Variants in LDB2 observed in about 807,000 individuals in gnomAD.
LDB2 encodes LIM domain binding 2, also known as LIM domain-binding protein 2.
Under a neutral mutation model 44.3 loss-of-function variants are expected in LDB2, and 12 were observed. That is an observed-to-expected ratio of 0.27 (90% confidence interval 0.17 to 0.44). The LOEUF (loss-of-function observed/expected upper bound fraction) is 0.44. LDB2 is among the 20% of genes least tolerant of loss of function. LDB2 has a pLI of 1.00. For synonymous variants in LDB2, 164 were observed against 174.8 expected (o/e 0.94, Z 0.49); for missense variants, 344 against 473.5 (o/e 0.73, Z 2.54).
intron 1 of LDB2, among the ~76,000 whole-genome samples, chr4:16,813,199 T>C (rs903128948): frequency 2.6e-5 from 4 of 152,160 alleles, no homozygotes; most frequent in Non-Finnish European, 5.9e-5. Context: ...TTGGTCAGTC[T>C]GGTCTAGAAC....
chr4:16,515,932 T>C (rs1052748404), intron 5 of LDB2, among the ~76,000 whole-genome samples: 2 of 152,118 alleles, frequency 1.3e-5, no homozygotes, highest in African/African-American at 4.8e-5. Flanking sequence ...GGTGTGATCT[T>C]GGCTCACCGC....
intron 1 of LDB2, among the ~76,000 whole-genome samples, chr4:16,784,912 G>C (rs73799270): frequency 6.6e-6 from 1 of 151,830 alleles, no homozygotes; most frequent in Non-Finnish European, 1.5e-5. Flanking sequence ...GTAGACTGTC[G>C]ACACCCCTTT....
intron 1 of LDB2, among the ~76,000 whole-genome samples, chr4:16,800,157 A>G (rs1041395836): frequency 6.6e-6 from 1 of 152,220 alleles, no homozygotes; most frequent in Non-Finnish European, 1.5e-5. Context: ...CAGGAAAAAA[A>G]AAAATGTGAA....
intron 2 of LDB2, among the ~76,000 whole-genome samples, chr4:16,713,703 C>T (rs972173311): frequency 2.6e-5 from 4 of 152,098 alleles, no homozygotes; most frequent in African/African-American, 4.8e-5. Context: ...ACAGTAGAAG[C>T]CATTTCTAGA....
intron 2 of LDB2, among the ~76,000 whole-genome samples, chr4:16,597,097 A>G (rs913538050): frequency 1.3e-5 from 2 of 152,240 alleles, no homozygotes; most frequent in East Asian, 3.8e-4. Context: ...ATTTCATTTT[A>G]AAAGAATCAG....
chr4:16,734,339 C>T (rs190818109), intron 2 of LDB2, among the ~76,000 whole-genome samples: 4 of 152,168 alleles, frequency 2.6e-5, no homozygotes, highest in African/African-American at 7.2e-5. Flanking sequence ...AATGAGAGAA[C>T]GAATAAATGA....
intron 2 of LDB2, among the ~76,000 whole-genome samples, chr4:16,626,291 AG>A (rs376546008): frequency 6.6e-6 from 1 of 152,202 alleles, no homozygotes; most frequent in African/African-American, 2.4e-5. Context: ...GACTACTTGG[AG>A]AACATGAGAT....
intron 3 of LDB2, among the ~76,000 whole-genome samples, chr4:16,593,601 T>C (rs530224070): frequency 6.6e-6 from 1 of 152,242 alleles, no homozygotes; most frequent in South Asian, 2.1e-4. Flanking sequence ...TCCCAGAAAG[T>C]GATATTTTTC....
chr4:16,788,923 T>C (rs1336800646), intron 1 of LDB2, among the ~76,000 whole-genome samples: 1 of 152,100 alleles, frequency 6.6e-6, no homozygotes, highest in Non-Finnish European at 1.5e-5. Context: ...CCATTACACT[T>C]ACAGTAGGGG....
At chr4:16,741,538 T>C (rs543300060) in intron 2 of LDB2, 1 of 152,350 alleles carries the variant, frequency 6.6e-6, no homozygotes, top group South Asian at 2.1e-4. Flanking sequence ...CATAAGAACC[T>C]GTAGATCAGG....
At chr4:16,853,381 G>A (rs1277245369) in intron 1 of LDB2, among the ~76,000 whole-genome samples, 2 of 152,124 alleles carry the variant, frequency 1.3e-5, no homozygotes, top group African/African-American at 4.8e-5. Flanking sequence ...TGTATGGAAA[G>A]GTGTTCAACA....
chr4:16,804,563 G>C (rs575547310), intron 1 of LDB2, among the ~76,000 whole-genome samples: 1 of 152,266 alleles, frequency 6.6e-6, no homozygotes, highest in South Asian at 2.1e-4. Flanking sequence ...CGACTCTAAA[G>C]CAGAATATAA....
intron 1 of LDB2, among the ~76,000 whole-genome samples, chr4:16,806,309 T>G (rs1778782886): frequency 6.6e-6 from 1 of 152,224 alleles, no homozygotes; most frequent in South Asian, 2.1e-4. Context: ...ATTACACCTC[T>G]TTCTTTCCCC....
At chr4:16,888,799 T>C in intron 1 of LDB2, 2 of 774,372 alleles carry the variant, frequency 2.6e-6, no homozygotes, top group Non-Finnish European at 3.1e-6. Context: ...TATTCTTTAC[T>C]TTGCAATGTA....
At chr4:16,657,921 G>C (rs556295240) in intron 2 of LDB2, among the ~76,000 whole-genome samples, 1 of 152,272 alleles carries the variant, frequency 6.6e-6, no homozygotes, top group Admixed American at 6.5e-5. Context: ...TCTCTCTACA[G>C]AAAATAAGAA....
intron 2 of LDB2, among the ~76,000 whole-genome samples, chr4:16,738,488 C>T (rs764538843): frequency 6.6e-6 from 1 of 152,192 alleles, no homozygotes; most frequent in Non-Finnish European, 1.5e-5. Context: ...TCACATGAGG[C>T]CAACCACAGA....
At chr4:16,773,742 C>A (rs1249896904) in intron 1 of LDB2, among the ~76,000 whole-genome samples, 1 of 151,996 alleles carries the variant, frequency 6.6e-6, no homozygotes, top group East Asian at 1.9e-4. Flanking sequence ...ATATTCCTTT[C>A]TTTTTTTAGA....
intron 6 of LDB2, among the ~76,000 whole-genome samples, chr4:16,509,674 C>G (rs971260224): frequency 5.3e-5 from 8 of 151,970 alleles, no homozygotes; most frequent in African/African-American, 1.9e-4. Flanking sequence ...GTTTCAGAAG[C>G]CTTCTCCTGC....
At chr4:16,845,214 G>A (rs1786724814) in intron 1 of LDB2, among the ~76,000 whole-genome samples, 1 of 152,188 alleles carries the variant, frequency 6.6e-6, no homozygotes, top group African/African-American at 2.4e-5. Context: ...GAATGCAAGA[G>A]TGTAAGCAGA....
Sources: allele counts gnomAD v4.1 joint callset (sites outside exome capture counted in the v4.1 genomes callset), GRCh38; gene constraint gnomAD v4.1.1; transcripts MANE v1.5; gene names NCBI Gene and HGNC (gene_info 2026-07-23, HGNC 2026-07-21).